The following PIGB variants were observed in gnomAD, a reference collection of about 807,000 sequenced individuals.
The protein encoded by PIGB is GPI alpha-1,2-mannosyltransferase 3.
In PIGB, 58 loss-of-function variants were observed where a neutral mutation model predicts 68.4. That is an observed-to-expected ratio of 0.85 (90% CI 0.69 to 1.06). PIGB has a LOEUF of 1.06. PIGB is among the 50% of genes least tolerant of loss of function. The pLI, the probability that PIGB is intolerant of heterozygous loss-of-function variation, is 0.00. For synonymous variants in PIGB, 219 were observed against 220.5 expected (o/e 0.99, Z 0.06); for missense variants, 634 against 655.8 (o/e 0.97, Z 0.36).
At chr15:55,330,087 A>G (rs1052929491) in intron 5 of PIGB, among the ~76,000 whole-genome samples, 10 of 152,194 alleles carry the variant, frequency 6.6e-5, no homozygotes, top group African/African-American at 1.9e-4. Flanking sequence ...AAAAGCCAAT[A>G]AGGAAACACC....
At chr15:55,325,495 T>C (rs2055260748) in intron 3 of PIGB, among the ~76,000 whole-genome samples, 1 of 152,236 alleles carries the variant, frequency 6.6e-6, no homozygotes, top group African/African-American at 2.4e-5. Flanking sequence ...TGCATAGCAT[T>C]AGCCTTTCTA....
chr15:55,351,329 G>A (rs975130778), intron 10 of PIGB, among the ~76,000 whole-genome samples: 1 of 151,640 alleles, frequency 6.6e-6, no homozygotes, highest in Non-Finnish European at 1.5e-5. Context: ...GGGTAGTCTC[G>A]ATCTCCTGAC....
chr15:55,335,878 C>A (rs942332787), intron 6 of PIGB, among the ~76,000 whole-genome samples: 1 of 152,086 alleles, frequency 6.6e-6, no homozygotes, highest in Admixed American at 6.6e-5. Flanking sequence ...CAGTTCCTAT[C>A]GGCTTTACCA....
rs375131235 is a variant in PIGB, at chr15:55,344,084, A to AT, written c.1123+2287dup. ...TGCTTTGTGTGACTTGTTTTAACCT[A>AT]TTTTTATGTAAACATGACAACTCTG... On this transcript the variant is annotated intron_variant, in intron 9 of 11. Coordinates refer to ENST00000164305, the MANE Select transcript of PIGB (RefSeq NM_004855.5). 2.0e-3 allele frequency among the ~76,000 whole-genome samples: 300 copies of AT among 152,306 alleles called. 5 individuals carry two copies. Among genetic ancestry groups the AT allele is most frequent in the African/African-American group, 6.6e-3 (274 of 41,566 alleles).
At chr15:55,328,887 AC>A (rs2055349733) in intron 4 of PIGB, among the ~76,000 whole-genome samples, 1 of 152,080 alleles carries the variant, frequency 6.6e-6, no homozygotes, top group South Asian at 2.1e-4. Flanking sequence ...AATTGCTTGA[AC>A]CCAGGAGGCA....
At chr15:55,327,439 AGATAGTTG>A in intron 3 of PIGB, 84 bp from the exon 4 acceptor site, 1 of 778,488 alleles carries the variant, frequency 1.3e-6, no homozygotes, top group Non-Finnish European at 2.1e-6. Flanking sequence ...GGCTTCCCAT[AGATAGTTG>A]GATCAGCTTG....
At chr15:55,333,543 C>A (rs544163325) in intron 5 of PIGB, among the ~76,000 whole-genome samples, 1 of 152,142 alleles carries the variant, frequency 6.6e-6, no homozygotes, top group African/African-American at 2.4e-5. Context: ...CCAGCCTGGC[C>A]AACAAGGTGA....
chr15:55,352,203 C>T (rs1000029758), intron 10 of PIGB, among the ~76,000 whole-genome samples: 1 of 152,074 alleles, frequency 6.6e-6, no homozygotes, highest in African/African-American at 2.4e-5. Context: ...CCACCTCAGC[C>T]TCCCCAAAGC....
intron 4 of PIGB, among the ~76,000 whole-genome samples, chr15:55,329,133 A>T (rs1566949655): frequency 6.6e-6 from 1 of 151,684 alleles, no homozygotes; most frequent in African/African-American, 2.4e-5. Context: ...TGTAGACTTA[A>T]TGGTGCTCTG....
intron 3 of PIGB, among the ~76,000 whole-genome samples, chr15:55,326,170 C>G (rs2055279908): frequency 6.7e-6 from 1 of 149,496 alleles, no homozygotes; most frequent in Non-Finnish European, 1.5e-5. Flanking sequence ...GCACTCCACC[C>G]TGGGCAACAG....
intron 5 of PIGB, among the ~76,000 whole-genome samples, chr15:55,330,501 A>G (rs957201251): frequency 6.6e-6 from 1 of 152,128 alleles, no homozygotes; most frequent in Admixed American, 6.5e-5. Flanking sequence ...AAGGCATAGA[A>G]CTGTAAATGG....
At chr15:55,343,563 T>C (rs948300793) in intron 9 of PIGB, 4 of 152,194 alleles carry the variant, frequency 2.6e-5, no homozygotes, top group Non-Finnish European at 5.9e-5. Flanking sequence ...TACACAAAGA[T>C]TGAGTTGTCT....
chr15:55,335,217 T>C (rs1336041958), intron 6 of PIGB, among the ~76,000 whole-genome samples: 1 of 152,244 alleles, frequency 6.6e-6, no homozygotes, highest in Non-Finnish European at 1.5e-5. Flanking sequence ...AACTGCCTAA[T>C]GATGCAGTTC....
intron 3 of PIGB, among the ~76,000 whole-genome samples, chr15:55,321,999 A>C (rs1394350511): frequency 6.7e-6 from 1 of 148,478 alleles, no homozygotes; most frequent in Non-Finnish European, 1.5e-5. Flanking sequence ...ACACAGAGAA[A>C]CCGCGTCTCT....
chr15:55,355,368 G>C lies in PIGB; in HGVS notation c.1601G>C (p.Gly534Ala). 6.2e-7 allele frequency: 1 copy of C among 1,611,814 alleles called. No homozygotes were observed. The change falls in exon 12 of 12, where the codon GGA becomes GCA. Residue 534 changes from glycine to alanine, a missense_variant. By Grantham distance (60) the Gly-to-Ala change is moderately conservative. Transcript: ENST00000164305. The part of the protein sequence containing the change: ...FHTHLPEGRI[G>A]SHIYVYERKL... The stretch of plus-strand genomic sequence containing the variant: ...ACTCACTTGCCAGAGGGTCGAATTG[G>C]AAGTCACATATATGTCTATGAACGG...
chr15:55,343,260 G>A (rs921460091), intron 9 of PIGB: 3 of 152,114 alleles, frequency 2.0e-5, no homozygotes, highest in African/African-American at 7.2e-5. Context: ...CAAAAATTTA[G>A]ACATCTAACA....
chr15:55,321,423 G>A (rs1312835713), intron 3 of PIGB, 33 bp downstream of exon 3: 3 of 1,534,432 alleles, frequency 2.0e-6, no homozygotes, highest in Non-Finnish European at 2.6e-6. Flanking sequence ...AAATGATATT[G>A]GGGCCATGGA....
intron 6 of PIGB, among the ~76,000 whole-genome samples, chr15:55,337,221 A>G (rs1442589934): frequency 2.0e-5 from 3 of 152,216 alleles, no homozygotes; most frequent in African/African-American, 7.2e-5. Context: ...ATGATGTGGA[A>G]CTTATATATT....
At chr15:55,355,015 T>A in intron 11 of PIGB, 37 bp downstream of exon 11, 1 of 1,532,600 alleles carries the variant, frequency 6.5e-7, no homozygotes, top group Non-Finnish European at 8.9e-7. Context: ...CTCAGTATTT[T>A]AATTTTACCC....
Sources: gnomAD v4.1 joint callset for allele counts (sites outside exome capture counted in the v4.1 genomes callset) on GRCh38, gnomAD v4.1.1 for gene constraint, MANE v1.5 for transcripts, NCBI Gene and HGNC (gene_info 2026-07-23, HGNC 2026-07-21) for gene names.